CSMD3: variants seen among roughly 807,000 people sequenced by gnomAD.
CSMD3 encodes the protein CUB and Sushi multiple domains 3, also known as CUB and sushi domain-containing protein 3.
A neutral mutation model predicts 435.2 loss-of-function variants in CSMD3; 177 were observed. That is an observed-to-expected ratio of 0.41 (90% CI 0.36 to 0.46). The LOEUF (loss-of-function observed/expected upper bound fraction) is 0.46, where lower values mean the gene tolerates loss of function less well. CSMD3 is among the 20% of genes least tolerant of loss of function. The probability of loss-of-function intolerance (pLI) is 0.34; values close to 1 mark genes in which losing one functional copy is unlikely to be tolerated. For synonymous variants in CSMD3, 1,656 were observed against 1,520.5 expected (o/e 1.09, Z -2.07); for missense variants, 4,265 against 4,504.6 (o/e 0.95, Z 1.52).
At chr8:112,978,878 T>G (rs1422902556) in intron 6 of CSMD3, among the ~76,000 whole-genome samples, 2 of 151,780 alleles carry the variant, frequency 1.3e-5, no homozygotes, top group Non-Finnish European at 2.9e-5. Context: ...CCAGGAACAT[T>G]CATCAGAAGA....
rs765525044 is a variant in CSMD3, at chr8:113,196,947, A to AC, written c.515-23032_515-23031insG. Among the ~76,000 whole-genome samples the AC allele has an allele frequency of 4.3e-3, 657 of 151,308 alleles. 3 individuals carry two copies. Among genetic ancestry groups the AC allele is most frequent in the Non-Finnish European group, 7.1e-3 (477 of 67,390 alleles). On this transcript the variant is annotated intron_variant, in intron 3 of 70. Coordinates refer to ENST00000297405, the MANE Select transcript of CSMD3 (RefSeq NM_198123.2). ...ACATTCTGTTTGTGCAATCTCAGGT[A>AC]AGTACTTAACCCCTCTGTGGAACAA... is the stretch of plus-strand genomic sequence containing the variant.
chr8:112,929,775 T>A (rs1236828412), intron 9 of CSMD3, among the ~76,000 whole-genome samples: 1 of 152,020 alleles, frequency 6.6e-6, no homozygotes. Context: ...CGTTAGAAAG[T>A]AACATGAAAA....
rs1819776449 is a variant in CSMD3 at position 112,291,676 on chromosome 8, A to G, written c.8808T>C (p.Pro2936=). The G allele has an allele frequency of 6.2e-7, 1 of 1,612,144 alleles. No individual in the cohort carries two copies. Among genetic ancestry groups the G allele is most frequent in the Non-Finnish European group, 8.5e-7 (1 of 1,178,618 alleles). ...PMCKVVNCSD[P]GIPANSKRES... ...CTCTTTTAGAATTGGCTGGAATTCC[A>G]GGATCAGAACAGTTGACCACTAAAC... Residue 2936 remains proline (P), a synonymous_variant, in exon 56 of 71, where the codon CCT becomes CCC. Transcript: ENST00000297405.
At chr8:112,473,659 T>C (rs2130760798) in intron 31 of CSMD3, among the ~76,000 whole-genome samples, 1 of 151,432 alleles carries the variant, frequency 6.6e-6, no homozygotes, top group Non-Finnish European at 1.5e-5. Flanking sequence ...TGGGTTGACT[T>C]GGCAATCTGG....
chr8:112,931,282 G>T (rs2130707822), intron 9 of CSMD3, among the ~76,000 whole-genome samples: 1 of 151,892 alleles, frequency 6.6e-6, no homozygotes, highest in East Asian at 1.9e-4. Flanking sequence ...TAATCATAAA[G>T]ATTAAACTAT....
intron 27 of CSMD3, among the ~76,000 whole-genome samples, chr8:112,525,299 A>G (rs1303800911): frequency 6.7e-6 from 1 of 150,276 alleles, no homozygotes; most frequent in Non-Finnish European, 1.5e-5. Flanking sequence ...TTTATCTACA[A>G]GCTGTATAAT....
At chr8:113,352,922 G>C (rs565619692) in intron 1 of CSMD3, among the ~76,000 whole-genome samples, 1 of 152,316 alleles carries the variant, frequency 6.6e-6, no homozygotes, top group South Asian at 2.1e-4. Context: ...AGGGACACAA[G>C]AGCAGAAGAA....
chr8:112,871,753 A>T (rs1392029028), intron 10 of CSMD3, among the ~76,000 whole-genome samples: 1 of 152,084 alleles, frequency 6.6e-6, no homozygotes, highest in Non-Finnish European at 1.5e-5. Flanking sequence ...ATGTTCAAAC[A>T]TACCTTCTCT....
At chr8:113,055,526 A>G (rs1330241271) in intron 5 of CSMD3, among the ~76,000 whole-genome samples, 1 of 152,134 alleles carries the variant, frequency 6.6e-6, no homozygotes, top group Non-Finnish European at 1.5e-5. Context: ...TTTAAATATC[A>G]TCCATATTCT....
At chr8:113,185,096 C>G (rs2092479286) in intron 3 of CSMD3, among the ~76,000 whole-genome samples, 2 of 152,110 alleles carry the variant, frequency 1.3e-5, no homozygotes, top group South Asian at 4.1e-4. Context: ...AACTATAGGG[C>G]CATTTTTAAC....
intron 3 of CSMD3, among the ~76,000 whole-genome samples, chr8:113,275,520 T>A (rs2093563038): frequency 6.6e-6 from 1 of 152,060 alleles, no homozygotes; most frequent in Non-Finnish European, 1.5e-5. Context: ...TGGTTCAGTG[T>A]TGACAATTTG....
chr8:113,058,742 C>T (rs1386490775), intron 5 of CSMD3, among the ~76,000 whole-genome samples: 1 of 151,862 alleles, frequency 6.6e-6, no homozygotes, highest in Non-Finnish European at 1.5e-5. Context: ...GCTTCCCTAG[C>T]GATACCTGTA....
chr8:112,720,377 G>A (rs950994776), intron 13 of CSMD3, among the ~76,000 whole-genome samples: 1 of 151,566 alleles, frequency 6.6e-6, no homozygotes, highest in South Asian at 2.1e-4. Context: ...ACAGGTTAGG[G>A]GAATGTCACA....
intron 51 of CSMD3, 144 bp downstream of exon 51, chr8:112,305,863 G>A: frequency 1.3e-6 from 1 of 741,178 alleles, no homozygotes; most frequent in Non-Finnish European, 2.4e-6. Context: ...CATTGTACAA[G>A]ATAGCTTACT....
chr8:113,155,424 T>C (rs2091911107), intron 4 of CSMD3, among the ~76,000 whole-genome samples: 1 of 152,044 alleles, frequency 6.6e-6, no homozygotes, highest in Non-Finnish European at 1.5e-5. Flanking sequence ...TTTGCTGAAA[T>C]AATTATTGCA....
chr8:112,918,911 A>G (rs147761849), intron 10 of CSMD3, among the ~76,000 whole-genome samples: 8 of 152,018 alleles, frequency 5.3e-5, no homozygotes, highest in Admixed American at 2.6e-4. Flanking sequence ...TGGAAAAAGC[A>G]TATTTATTCT....
At chr8:112,963,992 T>C (rs1040872369) in intron 7 of CSMD3, among the ~76,000 whole-genome samples, 6 of 151,962 alleles carry the variant, frequency 3.9e-5, no homozygotes, top group African/African-American at 9.7e-5. Flanking sequence ...AACCAGAGTA[T>C]ATTTTCTTCT....
intron 10 of CSMD3, among the ~76,000 whole-genome samples, chr8:112,887,656 G>C (rs542937923): frequency 8.0e-5 from 12 of 150,780 alleles, no homozygotes; most frequent in Admixed American, 2.7e-4. Context: ...TTATAGTATG[G>C]ATAGTGCATA....
At chr8:112,700,994 G>C (rs867805138) in intron 13 of CSMD3, among the ~76,000 whole-genome samples, 14 of 152,222 alleles carry the variant, frequency 9.2e-5, no homozygotes, top group Admixed American at 4.6e-4. Context: ...TTCTTGTGAG[G>C]CTGTGGCCAG....
Sources: gnomAD v4.1 joint callset for allele counts (sites outside exome capture counted in the v4.1 genomes callset) on GRCh38, gnomAD v4.1.1 for gene constraint, MANE v1.5 for transcripts, NCBI Gene and HGNC (gene_info 2026-07-23, HGNC 2026-07-21) for gene names.